Variants in CNTNAP2 observed in about 807,000 individuals in gnomAD.
CNTNAP2 encodes contactin-associated protein-like 2.
In CNTNAP2, 98 loss-of-function variants were observed where a neutral mutation model predicts 155.2. That is an observed-to-expected ratio of 0.63 (90% CI 0.54 to 0.75). The LOEUF is 0.75. Ranked by LOEUF, CNTNAP2 falls within the 30% of genes least tolerant of loss-of-function variation. The probability of loss-of-function intolerance (pLI) is 0.00; values close to 1 mark genes in which losing one functional copy is unlikely to be tolerated. For missense variants in CNTNAP2, 1,727 were observed against 1,688.1 expected (o/e 1.02, Z -0.40); for synonymous variants, 651 against 631.2 (o/e 1.03, Z -0.47).
At chr7:147,452,523 T>C (rs1455098214) in intron 10 of CNTNAP2, among the ~76,000 whole-genome samples, 2 of 152,182 alleles carry the variant, frequency 1.3e-5, no homozygotes, top group Non-Finnish European at 2.9e-5. Flanking sequence ...CAGATCAAAA[T>C]GTTTCCTATA....
At chr7:146,509,013 A>G (rs1797427455) in intron 1 of CNTNAP2, among the ~76,000 whole-genome samples, 1 of 152,062 alleles carries the variant, frequency 6.6e-6, no homozygotes, top group Admixed American at 6.5e-5. Context: ...TGTATGCAGC[A>G]CCCTGCACAC....
At chr7:147,660,691 T>A (rs968370780) in intron 13 of CNTNAP2, among the ~76,000 whole-genome samples, 7 of 152,186 alleles carry the variant, frequency 4.6e-5, no homozygotes, top group African/African-American at 1.7e-4. Context: ...CTAACTTCTA[T>A]GAGAGGTTAA....
intron 1 of CNTNAP2, among the ~76,000 whole-genome samples, chr7:146,679,505 G>A (rs1316655819): frequency 2.6e-5 from 4 of 151,802 alleles, no homozygotes; most frequent in African/African-American, 4.8e-5. Flanking sequence ...ACAGGCGCCC[G>A]CCAACACGCC....
At chr7:146,667,864 A>G (rs1800226021) in intron 1 of CNTNAP2, among the ~76,000 whole-genome samples, 1 of 151,932 alleles carries the variant, frequency 6.6e-6, no homozygotes, top group African/African-American at 2.4e-5. Flanking sequence ...CAGCTCTAAG[A>G]GTTTTTCAGT....
At chr7:146,920,161 C>G (rs938759904) in intron 3 of CNTNAP2, among the ~76,000 whole-genome samples, 1 of 152,096 alleles carries the variant, frequency 6.6e-6, no homozygotes, top group South Asian at 2.1e-4. Flanking sequence ...TGCCTGTAAG[C>G]CCAGCACTTT....
chr7:146,520,674 T>C (rs1344453359), intron 1 of CNTNAP2, among the ~76,000 whole-genome samples: 2 of 151,908 alleles, frequency 1.3e-5, no homozygotes, highest in Non-Finnish European at 2.9e-5. Context: ...CTTTTTATAA[T>C]GAAGTAGAAA....
chr7:146,438,798 T>C (rs1796279197), intron 1 of CNTNAP2, among the ~76,000 whole-genome samples: 1 of 151,548 alleles, frequency 6.6e-6, no homozygotes, highest in Non-Finnish European at 1.5e-5. Context: ...TTGGTTGATA[T>C]CTCAAAACAT....
intron 2 of CNTNAP2, among the ~76,000 whole-genome samples, chr7:146,802,548 G>C (rs1332203704): frequency 2.6e-5 from 4 of 152,088 alleles, no homozygotes; most frequent in Non-Finnish European, 5.9e-5. Context: ...ACGATAGTGA[G>C]TGAGTTCTCA....
chr7:146,248,201 A>G (rs1799695763), intron 1 of CNTNAP2, among the ~76,000 whole-genome samples: 2 of 151,862 alleles, frequency 1.3e-5, no homozygotes, highest in African/African-American at 4.8e-5. Context: ...AGGCGCAGAG[A>G]TATGAGGTTG....
intron 20 of CNTNAP2, among the ~76,000 whole-genome samples, chr7:148,246,578 C>G (rs1159592379): frequency 1.4e-5 from 2 of 147,748 alleles, no homozygotes; most frequent in Non-Finnish European, 3.0e-5. Context: ...TTTGAGCAAA[C>G]CTATAAAACT....
chr7:146,707,595 G>A (rs1223708588), intron 1 of CNTNAP2, among the ~76,000 whole-genome samples: 2 of 152,010 alleles, frequency 1.3e-5, no homozygotes, highest in African/African-American at 4.8e-5. Flanking sequence ...GGTTGACCCT[G>A]TGACTCTGAC....
chr7:148,267,780 C>T (rs1297018826), intron 21 of CNTNAP2, among the ~76,000 whole-genome samples: 1 of 152,022 alleles, frequency 6.6e-6, no homozygotes, highest in African/African-American at 2.4e-5. Context: ...ACAACCCAAG[C>T]GAAGGCAAAT....
At chr7:148,057,731 T>G (rs1044634231) in intron 15 of CNTNAP2, among the ~76,000 whole-genome samples, 3 of 152,182 alleles carry the variant, frequency 2.0e-5, no homozygotes, top group African/African-American at 7.2e-5. Context: ...CCATTGTATT[T>G]CTGCAGTGTC....
chr7:146,753,143 A>T (rs892797978), intron 1 of CNTNAP2, among the ~76,000 whole-genome samples: 2 of 152,156 alleles, frequency 1.3e-5, no homozygotes, highest in African/African-American at 2.4e-5. Flanking sequence ...TATTTAGGGC[A>T]TTGTTATGCA....
At chr7:146,334,051 C>G (rs555224866) in intron 1 of CNTNAP2, among the ~76,000 whole-genome samples, 2 of 152,254 alleles carry the variant, frequency 1.3e-5, no homozygotes, top group African/African-American at 2.4e-5. Flanking sequence ...GCAGAAGAAG[C>G]CCATTCTATT....
intron 21 of CNTNAP2, among the ~76,000 whole-genome samples, chr7:148,328,239 G>A (rs1797924918): frequency 6.6e-6 from 1 of 152,180 alleles, no homozygotes; most frequent in Non-Finnish European, 1.5e-5. Flanking sequence ...GGGGAAGGCT[G>A]GGGTGTGCCG....
intron 13 of CNTNAP2, among the ~76,000 whole-genome samples, chr7:147,901,035 A>ACCATCC (rs1343648282): frequency 6.6e-6 from 1 of 152,106 alleles, no homozygotes; most frequent in Non-Finnish European, 1.5e-5. Context: ...GGAGCATAGT[A>ACCATCC]CCATCCCCAT....
intron 18 of CNTNAP2, among the ~76,000 whole-genome samples, chr7:148,182,208 A>G (rs964632330): frequency 6.6e-6 from 1 of 152,198 alleles, no homozygotes; most frequent in Non-Finnish European, 1.5e-5. Context: ...CACAGAAATA[A>G]CACTCTTTAT....
intron 15 of CNTNAP2, among the ~76,000 whole-genome samples, chr7:148,055,241 A>G (rs528506089): frequency 6.6e-6 from 1 of 152,322 alleles, no homozygotes; most frequent in African/African-American, 2.4e-5. Context: ...GGCTATCTGC[A>G]AAAGATAATA....
Sources: gnomAD v4.1 joint callset for allele counts (sites outside exome capture counted in the v4.1 genomes callset) on GRCh38, gnomAD v4.1.1 for gene constraint, MANE v1.5 for transcripts, NCBI Gene and HGNC (gene_info 2026-07-23, HGNC 2026-07-21) for gene names.